Variants in TSHZ2 observed in about 807,000 individuals in gnomAD.
TSHZ2 encodes teashirt zinc finger homeobox 2.
A neutral mutation model predicts 74.4 loss-of-function variants in TSHZ2; 21 were observed. The ratio of observed to expected loss-of-function variants is 0.28; its 90% CI spans 0.20 to 0.41. TSHZ2 has a LOEUF of 0.41. Among genes scored for constraint, TSHZ2 ranks in the 10% least tolerant of loss-of-function variants. The pLI, the probability that TSHZ2 is intolerant of heterozygous loss-of-function variation, is 1.00. For synonymous variants in TSHZ2, 540 were observed against 515.3 expected (o/e 1.05, Z -0.65); for missense variants, 1,244 against 1,293.5 (o/e 0.96, Z 0.59).
In TSHZ2 at chr20:53,001,965, T is replaced by C. The variant is rs953239982; in HGVS notation, c.40+28632T>C. On this transcript the variant is annotated intron_variant, in intron 1 of 2. Transcript: ENST00000371497. ...TTTTTATCAAGGCTTAAAGGAAGTA[T>C]AAAAAGAAAACGGAAGTTGTCAACA... Among the ~76,000 whole-genome samples the C allele has an allele frequency of 3.4e-4, 51 of 152,086 alleles. 1 individual carries two copies. The highest frequency in any genetic ancestry group is 1.5e-4 in the Non-Finnish European group (10 of 68,012).
intron 2 of TSHZ2, chr20:53,455,508 T>C (rs907546490): frequency 3.3e-5 from 5 of 152,220 alleles, no homozygotes; most frequent in African/African-American, 1.2e-4. Context: ...TCATCGGGCA[T>C]TATTATTTCA....
intron 1 of TSHZ2, among the ~76,000 whole-genome samples, chr20:53,171,099 A>T (rs1353936007): frequency 6.6e-6 from 1 of 152,188 alleles, no homozygotes; most frequent in Non-Finnish European, 1.5e-5. Flanking sequence ...TAATAGGAAC[A>T]TTCAGCTTTG....
intron 2 of TSHZ2, among the ~76,000 whole-genome samples, chr20:53,349,112 G>A (rs1364187446): frequency 6.6e-6 from 1 of 152,246 alleles, no homozygotes; most frequent in African/African-American, 2.4e-5. Flanking sequence ...CAGGGGCAAA[G>A]TGGAGCATGG....
intron 1 of TSHZ2, among the ~76,000 whole-genome samples, chr20:53,026,083 C>T (rs1371018810): frequency 1.3e-5 from 2 of 152,146 alleles, no homozygotes; most frequent in African/African-American, 4.8e-5. Context: ...TATTCCCAAC[C>T]CTAAGTTAGT....
At chr20:52,976,790 T>C (rs1022995920) in intron 1 of TSHZ2, among the ~76,000 whole-genome samples, 3 of 152,212 alleles carry the variant, frequency 2.0e-5, no homozygotes, top group Non-Finnish European at 4.4e-5. Flanking sequence ...ATATATCTTT[T>C]ATATATGTAA....
chr20:53,229,395 C>T lies in TSHZ2; in HGVS notation c.41-24104C>T, dbSNP rs545127949. 5.9e-5 allele frequency among the ~76,000 whole-genome samples: 9 copies of T among 152,222 alleles called. No homozygotes were observed. In the South Asian group the frequency reaches 1.9e-3, roughly 32 times the overall value. On this transcript the variant is annotated intron_variant, in intron 1 of 2. Coordinates refer to ENST00000371497, the MANE Select transcript of TSHZ2 (RefSeq NM_173485.6). ...TCACGCTCACAGAGAGCAAAAGCAG[C>T]CATGTTTTATATCAACAATTGGCCC...
intron 1 of TSHZ2, among the ~76,000 whole-genome samples, chr20:53,171,523 T>C (rs1046631198): frequency 6.7e-6 from 1 of 150,322 alleles, no homozygotes; most frequent in African/African-American, 2.5e-5. Flanking sequence ...TGTGCACTTA[T>C]CCTAAATGCA....
At chr20:53,244,209 G>A (rs1990145427) in intron 1 of TSHZ2, among the ~76,000 whole-genome samples, 2 of 151,500 alleles carry the variant, frequency 1.3e-5, no homozygotes, top group South Asian at 2.1e-4. Context: ...CCCTTTACTT[G>A]GGAAAAAAAA....
At chr20:52,982,656 G>A (rs1268998696) in intron 1 of TSHZ2, among the ~76,000 whole-genome samples, 1 of 152,188 alleles carries the variant, frequency 6.6e-6, no homozygotes, top group Non-Finnish European at 1.5e-5. Context: ...ATTCTTGTGG[G>A]CTAGCCTAAA....
rs547944703 is a variant in TSHZ2, at chr20:53,191,253, C to T, written c.41-62246C>T. On this transcript the variant is annotated intron_variant, in intron 1 of 2. Transcript: ENST00000371497. Reference sequence around the variant, plus strand: ...GTTAAATATATTATTCATAACTATGCATTATACAGTGAATATAGGGTTTTA... The same window carrying T: ...GTTAAATATATTATTCATAACTATGTATTATACAGTGAATATAGGGTTTTA... 3.9e-5 allele frequency among the ~76,000 whole-genome samples: 6 copies of T among 152,196 alleles called. 1 individual carries two copies. In the South Asian group the frequency reaches 1.0e-3, roughly 26 times the overall value.
intron 1 of TSHZ2, among the ~76,000 whole-genome samples, chr20:53,156,998 A>T (rs1987811234): frequency 6.6e-6 from 1 of 152,154 alleles, no homozygotes; most frequent in African/African-American, 2.4e-5. Flanking sequence ...TAGACCTTTC[A>T]GCTGCTTGTG....
chr20:53,252,575 A>G (rs917186069), intron 1 of TSHZ2, among the ~76,000 whole-genome samples: 1 of 152,152 alleles, frequency 6.6e-6, no homozygotes, highest in Non-Finnish European at 1.5e-5. Context: ...TCATGTCTTC[A>G]TTTTCCCTAT....
At chr20:53,104,743 G>A (rs1487617719) in intron 1 of TSHZ2, among the ~76,000 whole-genome samples, 1 of 152,174 alleles carries the variant, frequency 6.6e-6, no homozygotes, top group Non-Finnish European at 1.5e-5. Context: ...TGCCCGCCTG[G>A]CAGTGATCAA....
chr20:52,982,897 C>T (rs1384539947), intron 1 of TSHZ2, among the ~76,000 whole-genome samples: 1 of 152,060 alleles, frequency 6.6e-6, no homozygotes, highest in East Asian at 1.9e-4. Flanking sequence ...GGAGGAAATG[C>T]CAAAGGCCTA....
chr20:53,341,492 AT>A (rs569431868), intron 2 of TSHZ2, among the ~76,000 whole-genome samples: 2,118 of 145,130 alleles, frequency 0.015, 44 homozygotes, highest in African/African-American at 0.042. Context: ...TTTTTTCTTT[AT>A]TTTTTTTTTT....
rs200660221 is a variant in TSHZ2, at chr20:52,973,338, G to A, written c.40+5G>A. The A allele has an allele frequency of 6.4e-7, 1 of 1,551,674 alleles. No individual in the cohort carries two copies. The highest frequency in any genetic ancestry group is 1.4e-5 in the African/African-American group (1 of 73,232). On this transcript the variant is annotated splice_donor_5th_base_variant and intron_variant, in intron 1 of 2. Transcript: ENST00000371497. ...AGGCACCCAAGCGGGCGGCAGGTAA[G>A]AGAAACGGCTCCGCTTCGGGGCTGC...
At chr20:53,377,207 GCT>G (rs1224113120) in intron 2 of TSHZ2, among the ~76,000 whole-genome samples, 2 of 152,218 alleles carry the variant, frequency 1.3e-5, no homozygotes, top group Non-Finnish European at 2.9e-5. Context: ...CCTTACACTT[GCT>G]CTCTCTACTG....
intron 1 of TSHZ2, among the ~76,000 whole-genome samples, chr20:53,068,241 A>G (rs1488082283): frequency 1.3e-5 from 2 of 152,162 alleles, no homozygotes; most frequent in Non-Finnish European, 2.9e-5. Flanking sequence ...AGTTTAACCC[A>G]TAACCCTGGG....
chr20:53,189,882 G>A (rs1568803195), intron 1 of TSHZ2, among the ~76,000 whole-genome samples: 1 of 151,224 alleles, frequency 6.6e-6, no homozygotes, highest in East Asian at 2.0e-4. Context: ...TTGGGAGTTC[G>A]AGACCAGCCT....
Sources: allele counts gnomAD v4.1 joint callset (sites outside exome capture counted in the v4.1 genomes callset), GRCh38; gene constraint gnomAD v4.1.1; transcripts MANE v1.5; gene names NCBI Gene and HGNC (gene_info 2026-07-23, HGNC 2026-07-21).